Variants in CDK14 observed in about 807,000 individuals in gnomAD.
CDK14 encodes cyclin-dependent kinase 14.
In CDK14, 34 loss-of-function variants were observed where a neutral mutation model predicts 60.7. That is an observed-to-expected ratio of 0.56 (90% CI 0.43 to 0.75). The LOEUF is 0.75. Among genes scored for constraint, CDK14 ranks in the 30% least tolerant of loss-of-function variants. CDK14 has a pLI of 0.00. For missense variants in CDK14, 482 were observed against 564.1 expected (o/e 0.85, Z 1.47); for synonymous variants, 197 against 203.7 (o/e 0.97, Z 0.28).
chr7:91,017,611 T>C (rs1427763574), intron 10 of CDK14, among the ~76,000 whole-genome samples: 1 of 152,198 alleles, frequency 6.6e-6, no homozygotes, highest in East Asian at 1.9e-4. Context: ...GTCTGTGTAT[T>C]GCTATTATTG....
chr7:90,662,950 A>AT (rs1800892938), intron 2 of CDK14, among the ~76,000 whole-genome samples: 1 of 152,110 alleles, frequency 6.6e-6, no homozygotes, highest in Non-Finnish European at 1.5e-5. Flanking sequence ...TAAAGTGGAG[A>AT]TGTGAGCATG....
chr7:91,146,300 A>G (rs1800637121), intron 14 of CDK14, among the ~76,000 whole-genome samples: 1 of 152,202 alleles, frequency 6.6e-6, no homozygotes, highest in Non-Finnish European at 1.5e-5. Context: ...TCCCAGGTTC[A>G]AGTGATTCTC....
intron 14 of CDK14, among the ~76,000 whole-genome samples, chr7:91,131,212 T>C (rs2116425003): frequency 6.6e-6 from 1 of 152,248 alleles, no homozygotes. Flanking sequence ...ATATTAACTT[T>C]ATTTTTTATG....
chr7:90,739,934 G>A (rs1270012987), intron 3 of CDK14, among the ~76,000 whole-genome samples: 1 of 152,064 alleles, frequency 6.6e-6, no homozygotes, highest in Admixed American at 6.5e-5. Flanking sequence ...AAAAATGCAT[G>A]AGAACATAAC....
At chr7:90,750,937 A>G (rs911242220) in intron 4 of CDK14, among the ~76,000 whole-genome samples, 9 of 152,194 alleles carry the variant, frequency 5.9e-5, no homozygotes, top group African/African-American at 2.2e-4. Context: ...GACCAAGTGG[A>G]AGAAATAATT....
At chr7:90,719,037 GA>G (rs774332130) in intron 2 of CDK14, among the ~76,000 whole-genome samples, 5 of 152,100 alleles carry the variant, frequency 3.3e-5, no homozygotes, top group Non-Finnish European at 5.9e-5. Flanking sequence ...AATGACTGAT[GA>G]TTTTTTTATA....
At chr7:90,709,924 G>GTC in intron 2 of CDK14, 1 of 1,172,202 alleles carries the variant, frequency 8.5e-7, no homozygotes, top group South Asian at 3.1e-5. Flanking sequence ...AGAGTTCCAG[G>GTC]TGAATCAAGC....
At chr7:90,785,840 A>G (rs1805559003) in intron 4 of CDK14, among the ~76,000 whole-genome samples, 1 of 152,020 alleles carries the variant, frequency 6.6e-6, no homozygotes, top group Non-Finnish European at 1.5e-5. Context: ...TACTCCCACA[A>G]GAAAATTTTA....
chr7:90,802,765 T>C (rs143071784), intron 5 of CDK14, among the ~76,000 whole-genome samples: 182 of 152,316 alleles, frequency 1.2e-3, no homozygotes, highest in East Asian at 6.4e-3. Context: ...TGAAAATTTC[T>C]TCAAAATAAA....
intron 2 of CDK14, among the ~76,000 whole-genome samples, chr7:90,620,500 G>T (rs887844055): frequency 6.6e-6 from 1 of 152,102 alleles, no homozygotes; most frequent in Non-Finnish European, 1.5e-5. Context: ...CCATCTTCCA[G>T]CTTGTCCCCG....
Position 91,139,148 on chromosome 7 carries a change from A to G in CDK14, c.*28+20940A>G, listed in dbSNP as rs181056491. On this transcript the variant is annotated intron_variant, in intron 14 of 14. Transcript: ENST00000380050. ...TCAGTGCTCCCTCAAGAGGGAGGAA[A>G]TGCAGACGGGAGCAAGTATTTCTTA... is the stretch of plus-strand genomic sequence containing the variant. 1.7e-3 allele frequency among the ~76,000 whole-genome samples: 252 copies of G among 152,270 alleles called. 1 individual carries two copies. The highest frequency in any genetic ancestry group is 4.6e-3 in the African/African-American group (191 of 41,554).
chr7:91,095,715 G>T (rs1168104829), intron 12 of CDK14, among the ~76,000 whole-genome samples: 1 of 151,698 alleles, frequency 6.6e-6, no homozygotes, highest in East Asian at 1.9e-4. Flanking sequence ...TATGTTTCCT[G>T]GAAAAAGATT....
intron 3 of CDK14, among the ~76,000 whole-genome samples, chr7:90,737,065 C>T (rs987002297): frequency 2.0e-5 from 3 of 152,040 alleles, no homozygotes; most frequent in African/African-American, 7.3e-5. Flanking sequence ...TATTGAGTGC[C>T]CACTTTTCCT....
chr7:90,740,528 C>A (rs1409053564), intron 3 of CDK14, among the ~76,000 whole-genome samples: 1 of 151,996 alleles, frequency 6.6e-6, no homozygotes, highest in East Asian at 1.9e-4. Context: ...AGAGGGAAGG[C>A]CATGTGAGGA....
At chr7:90,960,739 C>T (rs1200932340) in intron 9 of CDK14, among the ~76,000 whole-genome samples, 1 of 151,962 alleles carries the variant, frequency 6.6e-6, no homozygotes, top group African/African-American at 2.4e-5. Context: ...TTTCTTGAGC[C>T]AAGGAAATGT....
chr7:90,822,697 C>A (rs1452908890), intron 5 of CDK14, among the ~76,000 whole-genome samples: 1 of 152,140 alleles, frequency 6.6e-6, no homozygotes, highest in Non-Finnish European at 1.5e-5. Context: ...CATTTACATA[C>A]AATAAAACAT....
At chr7:90,730,994 A>G (rs186277424) in intron 3 of CDK14, among the ~76,000 whole-genome samples, 183 of 152,292 alleles carry the variant, frequency 1.2e-3, no homozygotes, top group Non-Finnish European at 2.0e-3. Context: ...TAGGTCTTAC[A>G]TTTAAGTCTA....
intron 10 of CDK14, among the ~76,000 whole-genome samples, chr7:91,040,869 G>T (rs1562879304): frequency 2.6e-5 from 4 of 152,240 alleles, no homozygotes; most frequent in Admixed American, 2.6e-4. Context: ...GAGAGAATTG[G>T]TGGAACTAGT....
intron 14 of CDK14, among the ~76,000 whole-genome samples, chr7:91,156,457 TTTTC>T (rs1183277934): frequency 4.6e-5 from 7 of 152,102 alleles, no homozygotes; most frequent in Non-Finnish European, 7.4e-5. Flanking sequence ...GAGGAGATCC[TTTTC>T]TTTTTTTTTT....
Sources: allele counts gnomAD v4.1 joint callset (sites outside exome capture counted in the v4.1 genomes callset), GRCh38; gene constraint gnomAD v4.1.1; transcripts MANE v1.5; gene names NCBI Gene and HGNC (gene_info 2026-07-23, HGNC 2026-07-21).